The following UNK variants were observed in gnomAD, a reference collection of about 807,000 sequenced individuals.
UNK encodes RING finger protein unkempt homolog.
A neutral mutation model predicts 97.6 loss-of-function variants in UNK; 32 were observed. The observed-to-expected ratio is 0.33, with a 90% CI of 0.25 to 0.44. The LOEUF (loss-of-function observed/expected upper bound fraction) is 0.44, where lower values mean the gene tolerates loss of function less well. UNK is among the 20% of genes least tolerant of loss of function. The pLI is 1.00. For missense variants in UNK, 771 were observed against 1,098.4 expected, an observed-to-expected ratio of 0.70 and a Z score of 4.21; for synonymous variants, 441 against 461.2, an observed-to-expected ratio of 0.96 and a Z score of 0.56.
At chr17:75,792,065 G>A (rs1183994862) in intron 1 of UNK, 2 of 985,212 alleles carry the variant, frequency 2.0e-6, no homozygotes, top group Non-Finnish European at 2.4e-6. Context: ...AGCACGCTTA[G>A]GTAACTAGAG....
intron 4 of UNK, 40 bp from the exon 5 acceptor site, chr17:75,813,038 C>T: frequency 6.5e-7 from 1 of 1,547,050 alleles, no homozygotes; most frequent in Non-Finnish European, 8.7e-7. Context: ...GGTGCTCCAG[C>T]TCCTCTCACC....
chr17:75,815,294 C>T, intron 7 of UNK, 41 bp downstream of exon 7: 1 of 1,572,936 alleles, frequency 6.4e-7, no homozygotes, highest in East Asian at 2.3e-5. Context: ...CCCTCTCCCA[C>T]CCCTCCCTCG....
intron 2 of UNK, 63 bp from the exon 3 acceptor site, chr17:75,812,049 G>A (rs2061974213): frequency 8.6e-6 from 13 of 1,504,508 alleles, no homozygotes; most frequent in Non-Finnish European, 1.2e-5. Context: ...AAGGGCAGGG[G>A]GTAGGCAGGG....
intron 1 of UNK, among the ~76,000 whole-genome samples, chr17:75,806,495 C>T (rs189946170): frequency 2.3e-4 from 34 of 150,102 alleles, no homozygotes; most frequent in African/African-American, 5.4e-4. Context: ...AATTTTGGGC[C>T]GGGCGCGGTG....
chr17:75,786,206 T>C (rs2061709249), intron 1 of UNK, among the ~76,000 whole-genome samples: 1 of 152,240 alleles, frequency 6.6e-6, no homozygotes, highest in Non-Finnish European at 1.5e-5. Context: ...TGGTCCTTTC[T>C]TACTGGAGAT....
chr17:75,784,829 G>A lies in UNK; in HGVS notation c.-52G>A. 2 of 1,579,662 alleles carry A rather than the reference G, an allele frequency of 1.3e-6. No homozygotes were observed. Among genetic ancestry groups the A allele is most frequent in the Non-Finnish European group, 1.7e-6 (2 of 1,150,396 alleles). On this transcript the variant is annotated 5_prime_UTR_variant, in exon 1 of 16. Transcript: ENST00000589666. ...GCGCACTGGGTCCTCGGCGCGGACC[G>A]CGCAGACTGAATAATAAAAGGGGAG...
At chr17:75,799,044 C>T (rs905487703) in intron 1 of UNK, among the ~76,000 whole-genome samples, 6 of 149,486 alleles carry the variant, frequency 4.0e-5, no homozygotes, top group East Asian at 2.0e-4. Context: ...CCAGTCTGGG[C>T]GATAGTGCGA....
At chr17:75,788,568 G>C (rs1471407919) in intron 1 of UNK, among the ~76,000 whole-genome samples, 1 of 152,172 alleles carries the variant, frequency 6.6e-6, no homozygotes, top group Non-Finnish European at 1.5e-5. Flanking sequence ...TGGTCAGGCT[G>C]GTCTTGAACT....
chr17:75,811,043 C>T (rs1400992182), intron 2 of UNK, among the ~76,000 whole-genome samples: 2 of 151,934 alleles, frequency 1.3e-5, no homozygotes, highest in Non-Finnish European at 2.9e-5. Flanking sequence ...ACCTCCACCT[C>T]TCGGGTTCAA....
At position 75,824,122 on chromosome 17, in the gene UNK, A is replaced by G. The variant is rs1371645169; in HGVS notation, c.2278-140A>G. 4.7e-6 allele frequency: 5 copies of G among 1,071,678 alleles called. No homozygotes were observed. The highest frequency in any genetic ancestry group is 1.7e-5 in the African/African-American group (1 of 59,462). The allele number at this position is 1,071,678 out of a possible 1,614,324, so 66.4% of individuals were successfully genotyped here. ...ACTCAGCCTGCTCTCTCACCTGCCA[A>G]CAGGGGTCTGGGAGCACACTGTTGA... On this transcript the variant is annotated intron_variant, in intron 15 of 15. Transcript: ENST00000589666. This position sits in a 1 kb window ranked among gnomAD's most constrained non-coding sequence, Gnocchi z 4.9.
At chr17:75,797,195 G>A (rs2061813710) in intron 1 of UNK, among the ~76,000 whole-genome samples, 1 of 152,118 alleles carries the variant, frequency 6.6e-6, no homozygotes, top group African/African-American at 2.4e-5. Flanking sequence ...TTTTTAAAAA[G>A]ATCCTATATT....
intron 1 of UNK, among the ~76,000 whole-genome samples, chr17:75,790,954 A>G (rs1181144743): frequency 6.6e-6 from 1 of 152,140 alleles, no homozygotes; most frequent in Non-Finnish European, 1.5e-5. Flanking sequence ...AAAATAATAA[A>G]ATAAAAATAA....
At chr17:75,792,696 A>G (rs750576292) in intron 1 of UNK, 1 of 163,234 alleles carries the variant, frequency 6.1e-6, no homozygotes, top group Non-Finnish European at 1.3e-5. Context: ...TAATAGGTAC[A>G]GGGTGATTTT....
In UNK at chr17:75,816,512, C is replaced by T. The variant is rs2062017325; in HGVS notation, c.962-258C>T. 6.6e-6 allele frequency among the ~76,000 whole-genome samples: 1 copy of T among 152,160 alleles called. No individual in the cohort carries two copies. Among genetic ancestry groups the T allele is most frequent in the African/African-American group, 2.4e-5 (1 of 41,412 alleles). On this transcript the variant is annotated intron_variant, in intron 7 of 15. Coordinates refer to ENST00000589666, the MANE Select transcript of UNK (RefSeq NM_001080419.3). The surrounding 1 kb of genome is among the most constrained non-coding windows in gnomAD (Gnocchi z 4.0). The stretch of plus-strand genomic sequence containing the variant: ...GTGGGTTTACCTTACCTCTCTGAGC[C>T]TCAGTTTTCTTATTTATAAAATGGA...
At chr17:75,791,662 G>A (rs954870868) in intron 1 of UNK, 42 of 881,728 alleles carry the variant, frequency 4.8e-5, no homozygotes, top group Non-Finnish European at 5.7e-5. Flanking sequence ...CTTGCTAAGG[G>A]TAGATTCTTA....
At chr17:75,805,351 C>T (rs148520589) in intron 1 of UNK, among the ~76,000 whole-genome samples, 135 of 145,284 alleles carry the variant, frequency 9.3e-4, no homozygotes, top group Non-Finnish European at 1.8e-3. Context: ...TGAGCTATTG[C>T]GCCACTGCAC....
In UNK at chr17:75,795,747, T is replaced by C. The variant is rs555181202; in HGVS notation, c.104+10763T>C. ...TAACATCAGTGACGTGAGTGACCCT[T>C]ATATGAATCTTCCTCAGTTTCACCA... On this transcript the variant is annotated intron_variant, in intron 1 of 15. Coordinates refer to ENST00000589666, the MANE Select transcript of UNK (RefSeq NM_001080419.3). Among the ~76,000 whole-genome samples, 7 of 152,200 alleles carry C rather than the reference T, an allele frequency of 4.6e-5. No individual in the cohort carries two copies. In the South Asian group the frequency reaches 1.5e-3, roughly 32 times the overall value.
At chr17:75,813,621 G>C in intron 5 of UNK, 140 bp from the exon 6 acceptor site, 2 of 719,102 alleles carry the variant, frequency 2.8e-6, no homozygotes, top group South Asian at 3.8e-5. Flanking sequence ...TTGGCTTGTG[G>C]CACCAGCAAG....
At position 75,818,115 on chromosome 17, in the gene UNK, C is replaced by A. The variant is rs1304992206; in HGVS notation, c.1318C>A (p.Pro440Thr). Residue 440 changes from proline to threonine, a missense_variant, in exon 10 of 16, where the codon CCC becomes ACC. Pro to Thr is a conservative substitution (Grantham distance 38). Around this residue, in one of 5 missense-constraint regions of UNK, gnomAD observed 192 missense variants for 202.4 expected, o/e 0.95. Coordinates refer to ENST00000589666, the MANE Select transcript of UNK (RefSeq NM_001080419.3). The surrounding 1 kb of genome is among the most constrained non-coding windows in gnomAD (Gnocchi z 5.1). Reference protein sequence around the residue: ...KNFKCQAKLKPHSLEPRSQEQ... With the variant: ...KNFKCQAKLKTHSLEPRSQEQ... The stretch of plus-strand genomic sequence containing the variant: ...TTTTCTCTCTCAGGCCAAATTAAAA[C>A]CCCACTCATTAGAGCCCAGGAGTCA... 6.2e-7 allele frequency: 1 copy of A among 1,613,400 alleles called. No homozygotes were observed. The highest frequency in any genetic ancestry group is 8.5e-7 in the Non-Finnish European group (1 of 1,179,768).
Sources: gnomAD v4.1 joint callset for allele counts (sites outside exome capture counted in the v4.1 genomes callset) on GRCh38, gnomAD v4.1.1 for gene constraint, gnomAD v4.1.1 regional missense constraint, Gnocchi (gnomAD v3.1) non-coding constraint, MANE v1.5 for transcripts, NCBI Gene and HGNC (gene_info 2026-07-23, HGNC 2026-07-21) for gene names.